NMNAT3: variants seen among roughly 807,000 people sequenced by gnomAD.
NMNAT3 encodes nicotinamide/nicotinic acid mononucleotide adenylyltransferase 3.
Under a neutral mutation model 24.8 loss-of-function variants are expected in NMNAT3, and 21 were observed. The observed-to-expected ratio is 0.85, with a 90% CI of 0.60 to 1.22. The LOEUF (loss-of-function observed/expected upper bound fraction) is 1.22. Among genes scored for constraint, NMNAT3 ranks in the 50% most tolerant of loss-of-function variants. NMNAT3 has a pLI of 0.00. For missense variants in NMNAT3, 387 were observed against 436.6 expected, an observed-to-expected ratio of 0.89 and a Z score of 1.01; for synonymous variants, 136 against 155.2, an observed-to-expected ratio of 0.88 and a Z score of 0.92.
At chr3:139,567,026 T>A (rs958379576) in intron 6 of NMNAT3, 13 of 151,544 alleles carry the variant, frequency 8.6e-5, no homozygotes, top group Admixed American at 1.3e-4. Flanking sequence ...GTTTGTATCC[T>A]CTTTTATTTC....
Position 139,560,905 on chromosome 3 carries a change from A to C in NMNAT3, c.*105T>G. ...AGTAGAATCACTGTAGAAATAAAGC[A>C]AATGAAAAATGGAGAAGCAAAAACC... On this transcript the variant is annotated 3_prime_UTR_variant, in exon 7 of 7. Coordinates refer to ENST00000643695, the MANE Select transcript of NMNAT3 (RefSeq NM_001320510.2). 8.7e-7 allele frequency: 1 copy of C among 1,149,116 alleles called. No individual in the cohort carries two copies. Among genetic ancestry groups the C allele is most frequent in the Non-Finnish European group, 1.2e-6 (1 of 802,426 alleles). The allele number at this position is 1,149,116 out of a possible 1,614,324, so 71.2% of individuals were successfully genotyped here.
intron 3 of NMNAT3, among the ~76,000 whole-genome samples, chr3:139,606,412 T>C (rs1005094846): frequency 2.6e-5 from 4 of 152,210 alleles, no homozygotes; most frequent in Admixed American, 6.5e-5. Flanking sequence ...TCTCAATACA[T>C]CCTACATCAG....
intron 3 of NMNAT3, among the ~76,000 whole-genome samples, chr3:139,596,084 C>A (rs1258119769): frequency 2.6e-5 from 4 of 152,166 alleles, no homozygotes; most frequent in African/African-American, 9.7e-5. Context: ...GCCACCTGGT[C>A]CCTACTTTGG....
intron 3 of NMNAT3, among the ~76,000 whole-genome samples, chr3:139,614,964 A>G (rs533500521): frequency 6.6e-6 from 1 of 152,358 alleles, no homozygotes; most frequent in Non-Finnish European, 1.5e-5. Flanking sequence ...ATTCTACTGT[A>G]AGAAAGAGCC....
intron 3 of NMNAT3, among the ~76,000 whole-genome samples, chr3:139,611,107 C>T (rs2055192703): frequency 6.6e-6 from 1 of 152,106 alleles, no homozygotes; most frequent in Non-Finnish European, 1.5e-5. Context: ...GCAATTTAAT[C>T]TGGGATGCCA....
At chr3:139,592,905 C>CA (rs2054265990) in intron 3 of NMNAT3, among the ~76,000 whole-genome samples, 1 of 152,194 alleles carries the variant, frequency 6.6e-6, no homozygotes, top group African/African-American at 2.4e-5. Context: ...GAGGAAACTG[C>CA]ATCAACTAAC....
intron 1 of NMNAT3, among the ~76,000 whole-genome samples, chr3:139,675,005 G>A (rs909348304): frequency 3.1e-4 from 47 of 152,066 alleles, no homozygotes; most frequent in African/African-American, 1.1e-3. Flanking sequence ...AAAGTCACAC[G>A]AGCAATTTTA....
chr3:139,565,439 G>A (rs1195703393), intron 6 of NMNAT3: 4 of 152,072 alleles, frequency 2.6e-5, no homozygotes, highest in Non-Finnish European at 4.4e-5. Flanking sequence ...GTATACATAT[G>A]CCATGTTGGT....
intron 5 of NMNAT3, among the ~76,000 whole-genome samples, 184 bp from the exon 6 acceptor site, chr3:139,573,864 C>G (rs1023143855): frequency 6.6e-6 from 1 of 152,158 alleles, no homozygotes; most frequent in Non-Finnish European, 1.5e-5. Flanking sequence ...CCATGTGGGT[C>G]TTCATGGAGA....
chr3:139,588,918 TG>T (rs1004789437), intron 3 of NMNAT3, among the ~76,000 whole-genome samples: 2 of 152,146 alleles, frequency 1.3e-5, no homozygotes, highest in Non-Finnish European at 2.9e-5. Context: ...TACACACATT[TG>T]GGGGTCTTGA....
intron 1 of NMNAT3, among the ~76,000 whole-genome samples, chr3:139,652,791 G>A (rs775880998): frequency 3.3e-5 from 5 of 152,142 alleles, no homozygotes; most frequent in Non-Finnish European, 7.4e-5. Context: ...AATAAACCAC[G>A]CATCTTCTCT....
intron 1 of NMNAT3, among the ~76,000 whole-genome samples, chr3:139,655,388 C>G (rs2057206703): frequency 6.6e-6 from 1 of 152,208 alleles, no homozygotes; most frequent in Admixed American, 6.5e-5. Flanking sequence ...ATTCACTGCT[C>G]CTGAGACAAC....
At chr3:139,668,421 T>C (rs531529495) in intron 1 of NMNAT3, among the ~76,000 whole-genome samples, 4 of 152,372 alleles carry the variant, frequency 2.6e-5, no homozygotes, top group Admixed American at 6.5e-5. Flanking sequence ...TGGGGCTTCC[T>C]GTTTTATCTT....
chr3:139,627,545 C>T (rs1427542223), intron 3 of NMNAT3, 71 bp downstream of exon 4: 2 of 781,580 alleles, frequency 2.6e-6, no homozygotes, highest in Admixed American at 5.8e-5. Context: ...ATAGTGATGC[C>T]AGCAGCCAGA....
chr3:139,663,320 T>C (rs2057476727), intron 1 of NMNAT3, among the ~76,000 whole-genome samples: 1 of 152,234 alleles, frequency 6.6e-6, no homozygotes, highest in African/African-American at 2.4e-5. Context: ...TGGTCCAGGA[T>C]ATTCTCCTTA....
At chr3:139,624,455 T>G (rs1409526331) in intron 3 of NMNAT3, among the ~76,000 whole-genome samples, 1 of 151,998 alleles carries the variant, frequency 6.6e-6, no homozygotes. Context: ...TTGAGACTTT[T>G]TTTTTTTTTT....
intron 3 of NMNAT3, among the ~76,000 whole-genome samples, chr3:139,592,488 G>A (rs1317592659): frequency 2.0e-5 from 3 of 152,110 alleles, no homozygotes; most frequent in African/African-American, 4.8e-5. Context: ...GATACTCCTC[G>A]AGAAGAGCAA....
At chr3:139,624,526 C>T (rs2055960146) in intron 3 of NMNAT3, among the ~76,000 whole-genome samples, 1 of 151,926 alleles carries the variant, frequency 6.6e-6, no homozygotes, top group African/African-American at 2.4e-5. Flanking sequence ...CGGCTCACTG[C>T]AACCTCTGCC....
At position 139,659,412 on chromosome 3, in the gene NMNAT3, G is replaced by A. The variant is rs551103786; in HGVS notation, c.-141+18293C>T. Among the ~76,000 whole-genome samples the A allele has an allele frequency of 2.0e-4, 31 of 152,344 alleles. No individual in the cohort carries two copies. In the East Asian group the frequency reaches 5.4e-3, roughly 27 times the overall value. On this transcript the variant is annotated intron_variant, in intron 1 of 6. Coordinates refer to ENST00000643695, the MANE Select transcript of NMNAT3 (RefSeq NM_001320510.2). ...AGAGACTCCCCAAGTGTGATGGAATGCAAGATGACTTCAGGTGAGAACTTA... is the reference window on the plus strand; with the variant it reads ...AGAGACTCCCCAAGTGTGATGGAATACAAGATGACTTCAGGTGAGAACTTA...
Sources: allele counts gnomAD v4.1 joint callset (sites outside exome capture counted in the v4.1 genomes callset), GRCh38; gene constraint gnomAD v4.1.1; transcripts MANE v1.5; gene names NCBI Gene and HGNC (gene_info 2026-07-23, HGNC 2026-07-21).